The following NCOA4 variants were observed in gnomAD, a reference collection of about 807,000 sequenced individuals.
The protein encoded by NCOA4 is nuclear receptor coactivator 4.
NCOA4 carries 31 observed loss-of-function variants against 69.5 expected under a neutral mutation model. The observed-to-expected ratio is 0.45, with a 90% CI of 0.34 to 0.60. The LOEUF is 0.60. Ranked by LOEUF, NCOA4 falls within the 20% of genes least tolerant of loss-of-function variation. The probability of loss-of-function intolerance (pLI) is 0.02; values close to 1 mark genes in which losing one functional copy is unlikely to be tolerated. For missense variants in NCOA4, 600 were observed against 719.2 expected, an observed-to-expected ratio of 0.83 and a Z score of 1.90; for synonymous variants, 228 against 252.4, an observed-to-expected ratio of 0.90 and a Z score of 0.92.
At chr10:46,010,023 A>G (rs1554920773) in intron 8 of NCOA4, among the ~76,000 whole-genome samples, 200 bp downstream of exon 8, 1 of 152,098 alleles carries the variant, frequency 6.6e-6, no homozygotes, top group East Asian at 1.9e-4. Flanking sequence ...TTAGCCAGGC[A>G]TGGTGGTGCA....
At chr10:46,014,788 TC>T in intron 4 of NCOA4, 65 bp downstream of exon 4, 1 of 1,316,150 alleles carries the variant, frequency 7.6e-7, no homozygotes. Flanking sequence ...AGTTACAAAA[TC>T]GACTTTCTTT....
At chr10:46,006,688 ACAGGTATACC>A in intron 9 of NCOA4, 91 bp from the exon 10 acceptor site, 2 of 1,164,846 alleles carry the variant, frequency 1.7e-6, no homozygotes, top group Non-Finnish European at 2.6e-6. Context: ...ATTTCCCAAT[ACAGGTATACC>A]CTTGTTACAT....
intron 9 of NCOA4, 140 bp downstream of exon 9, chr10:46,009,271 G>T: frequency 1.4e-6 from 2 of 1,479,240 alleles, no homozygotes; most frequent in African/African-American, 1.4e-5. Flanking sequence ...GAGCTCCCCC[G>T]TCCCACCCTC....
Position 46,026,956 on chromosome 10 carries a change from C to A in NCOA4, c.-15+3570G>T, listed in dbSNP as rs185673679. 2.0e-3 allele frequency among the ~76,000 whole-genome samples: 303 copies of A among 152,200 alleles called. 3 individuals carry two copies. Among genetic ancestry groups the A allele is most frequent in the East Asian group, 0.019 (98 of 5,162 alleles). On this transcript the variant is annotated intron_variant, in intron 1 of 9. Transcript: ENST00000581486. ...TCAAGCCAAGCAAAATTAGGGATGA[C>A]AACTTGGGATAAGAATGACTAAGAG...
chr10:46,006,339 G>C lies in NCOA4; in HGVS notation c.*253C>G, dbSNP rs187549764. The C allele has an allele frequency of 1.9e-6, 1 of 521,000 alleles. No individual in the cohort carries two copies. Among genetic ancestry groups the C allele is most frequent in the East Asian group, 2.9e-5 (1 of 34,686 alleles). The allele number at this position is 521,000 out of a possible 1,614,324, so 32.3% of individuals were successfully genotyped here. On this transcript the variant is annotated 3_prime_UTR_variant, in exon 10 of 10. Coordinates refer to ENST00000581486, the MANE Select transcript of NCOA4 (RefSeq NM_001145263.2). ...CGTCCACAAAGATGCTGCATTTCTA[G>C]TGTGGGGTGAATTAAAATACTTCTG...
At position 46,016,458 on chromosome 10, in the gene NCOA4, G is replaced by A. The variant is rs1411159045; in HGVS notation, c.141+82C>T. ...ATGGGGTGAAATTTTTTGCTGGCAC[G>A]GAGAGACCAAGTCCTTGGCCATGCT... On this transcript the variant is annotated intron_variant, in intron 2 of 9. Coordinates refer to ENST00000581486, the MANE Select transcript of NCOA4 (RefSeq NM_001145263.2). The A allele has an allele frequency of 7.8e-6, 10 of 1,289,182 alleles. No individual in the cohort carries two copies. The East Asian group carries it at 8.3e-5, about 11-fold the overall frequency. The allele number at this position is 1,289,182 out of a possible 1,614,324, so 79.9% of individuals were successfully genotyped here.
chr10:46,013,113 C>G, intron 6 of NCOA4, 87 bp from the exon 7 acceptor site: 1 of 1,351,964 alleles, frequency 7.4e-7, no homozygotes, highest in South Asian at 1.3e-5. Context: ...TGGCTTGCCA[C>G]TGACCCTGGG....
At chr10:46,027,621 T>C (rs1840236109) in intron 1 of NCOA4, 5 of 706,640 alleles carry the variant, frequency 7.1e-6, no homozygotes, top group Admixed American at 5.4e-5. Context: ...TGCCATGGCC[T>C]TCTACAGTTC....
intron 8 of NCOA4, 103 bp downstream of exon 8, chr10:46,010,120 A>T: frequency 4.3e-6 from 6 of 1,384,842 alleles, no homozygotes; most frequent in Non-Finnish European, 5.8e-6. Context: ...ATGAGCTGAG[A>T]TCGCACCACT....
chr10:46,015,756 C>T (rs1464595845), intron 2 of NCOA4, among the ~76,000 whole-genome samples: 1 of 152,194 alleles, frequency 6.6e-6, no homozygotes, highest in African/African-American at 2.4e-5. Context: ...TCTTTTCTCA[C>T]CCCACAGAAT....
In NCOA4 at chr10:46,005,240, CAAGAT is replaced by C. The variant is rs1554919209; in HGVS notation, c.*1347_*1351del. ...CTCAAGAAACTACAGAGCTGCAACT[CAAGAT>C]AACTGGAAAGGCTCCTTACATTGTT... On this transcript the variant is annotated 3_prime_UTR_variant, in exon 10 of 10. Transcript: ENST00000581486. 4.7e-6 allele frequency: 1 copy of C among 212,984 alleles called. No homozygotes were observed. Among genetic ancestry groups the C allele is most frequent in the Non-Finnish European group, 9.5e-6 (1 of 104,990 alleles). The allele number at this position is 212,984 out of a possible 1,614,324, so 13.2% of individuals were successfully genotyped here. A position where few individuals can be genotyped will look rare whatever the true frequency, so the allele number is the denominator to read the frequency against.
chr10:46,024,562 T>G (rs1227902403), intron 1 of NCOA4, among the ~76,000 whole-genome samples: 1 of 152,170 alleles, frequency 6.6e-6, no homozygotes, highest in Admixed American at 6.5e-5. Flanking sequence ...GCTGTAGCTG[T>G]TACTATAATG....
chr10:46,011,399 C>CT (rs1839194351), intron 7 of NCOA4, among the ~76,000 whole-genome samples, 193 bp from the exon 8 acceptor site: 1 of 151,624 alleles, frequency 6.6e-6, no homozygotes, highest in African/African-American at 2.4e-5. Flanking sequence ...TTCCGAGTAG[C>CT]TGGGACTATA....
In NCOA4 at chr10:46,006,568, G is replaced by T. The variant is rs1382658566; in HGVS notation, c.*24C>A. 5 of 1,613,280 alleles carry T rather than the reference G, an allele frequency of 3.1e-6. No homozygotes were observed. In the African/African-American group the frequency reaches 5.3e-5, roughly 17 times the overall value. Reference sequence around the variant, plus strand: ...ATGATGTGTGATAATCAGCAGAAAGGCTGCTCAACTCTTGTCCATTCCTTC... The same window carrying T: ...ATGATGTGTGATAATCAGCAGAAAGTCTGCTCAACTCTTGTCCATTCCTTC... On this transcript the variant is annotated 3_prime_UTR_variant, in exon 10 of 10. Coordinates refer to ENST00000581486, the MANE Select transcript of NCOA4 (RefSeq NM_001145263.2).
intron 2 of NCOA4, among the ~76,000 whole-genome samples, chr10:46,015,691 C>T (rs1297246519): frequency 6.6e-6 from 1 of 152,160 alleles, no homozygotes; most frequent in African/African-American, 2.4e-5. Context: ...TACGGTTTTA[C>T]AAGTTTATCA....
intron 1 of NCOA4, chr10:46,027,595 G>A: frequency 1.1e-6 from 1 of 943,488 alleles, no homozygotes; most frequent in East Asian, 2.7e-5. Context: ...AAAGTAGCAA[G>A]AAGAGTAATA....
chr10:46,015,373 G>T, intron 2 of NCOA4, 107 bp from the exon 3 acceptor site: 2 of 426,548 alleles, frequency 4.7e-6, no homozygotes, highest in Admixed American at 2.8e-5. Flanking sequence ...GGGTTGGGGG[G>T]ACCACAAATC....
chr10:46,009,308 A>G, intron 9 of NCOA4, 103 bp downstream of exon 9: 2 of 1,479,184 alleles, frequency 1.4e-6, no homozygotes, highest in Non-Finnish European at 1.9e-6. Context: ...TACTATTAAA[A>G]GGGATATGGT....
intron 1 of NCOA4, among the ~76,000 whole-genome samples, chr10:46,028,400 T>C (rs1840271348): frequency 6.6e-6 from 1 of 152,276 alleles, no homozygotes; most frequent in African/African-American, 2.4e-5. Context: ...TGTTGTATAG[T>C]AGGTGTTCAA....
Sources: allele counts gnomAD v4.1 joint callset (sites outside exome capture counted in the v4.1 genomes callset), GRCh38; gene constraint gnomAD v4.1.1; transcripts MANE v1.5; gene names NCBI Gene and HGNC (gene_info 2026-07-23, HGNC 2026-07-21).